The following MYO18B variants were observed in gnomAD, a reference collection of about 807,000 sequenced individuals.
MYO18B encodes unconventional myosin-XVIIIb.
MYO18B carries 204 observed loss-of-function variants against 273.0 expected under a neutral mutation model. That is an observed-to-expected ratio of 0.75 (90% CI 0.67 to 0.84). MYO18B has a LOEUF of 0.84. Ranked by LOEUF, MYO18B falls within the 40% of genes least tolerant of loss-of-function variation. The probability of loss-of-function intolerance (pLI) is 0.00; values close to 1 mark genes in which losing one functional copy is unlikely to be tolerated. For missense variants in MYO18B, 3,212 were observed against 3,287.6 expected, an observed-to-expected ratio of 0.98 and a Z score of 0.56; for synonymous variants, 1,330 against 1,305.7, an observed-to-expected ratio of 1.02 and a Z score of -0.40.
downstream of MYO18B, among the ~76,000 whole-genome samples, chr22:26,031,298 G>A (rs1472242780): frequency 6.6e-6 from 1 of 152,140 alleles, no homozygotes; most frequent in African/African-American, 2.4e-5. Context: ...ATTCCCATTT[G>A]GATCACAGTT....
Position 25,769,174 on chromosome 22 carries a change from A to G in MYO18B, c.1258A>G (p.Lys420Glu), listed in dbSNP as rs749574494. ...GACAGAGAAGGGCTGTGAAGCCCCA[A>G]AGGAGGTGAGCACAATGGTGGAGTC... The part of the protein sequence containing the change: ...SQTEKGCEAP[K>E]EVSTMVESPA... Residue 420 changes from lysine to glutamate, a missense_variant, in exon 4 of 44, where the codon AAG (lysine) becomes GAG (glutamate). Coordinates refer to ENST00000335473, the MANE Select transcript of MYO18B (RefSeq NM_032608.7). 27 of 1,612,308 alleles carry G rather than the reference A, an allele frequency of 1.7e-5. No homozygotes were observed. In the Admixed American group the frequency reaches 1.8e-4, roughly 11 times the overall value.
intron 33 of MYO18B, among the ~76,000 whole-genome samples, chr22:25,918,752 G>A (rs2146429036): frequency 6.6e-6 from 1 of 152,276 alleles, no homozygotes; most frequent in African/African-American, 2.4e-5. Context: ...AGGCACTTTA[G>A]GATATATGCA....
At chr22:25,833,432 G>T (rs2089785662) in intron 16 of MYO18B, among the ~76,000 whole-genome samples, 1 of 151,948 alleles carries the variant, frequency 6.6e-6, no homozygotes, top group Non-Finnish European at 1.5e-5. Flanking sequence ...TTGGGTTCAG[G>T]GCCCTGAACT....
At chr22:25,966,092 A>G (rs1412111864) in intron 39 of MYO18B, among the ~76,000 whole-genome samples, 1 of 152,220 alleles carries the variant, frequency 6.6e-6, no homozygotes, top group African/African-American at 2.4e-5. Context: ...CAAGTAATTC[A>G]TGCCATGCTT....
chr22:25,947,998 A>G (rs190729488), intron 36 of MYO18B, among the ~76,000 whole-genome samples, 170 bp downstream of exon 36: 60 of 152,286 alleles, frequency 3.9e-4, no homozygotes, highest in African/African-American at 1.3e-3. Context: ...ATGGAGGACA[A>G]TGTCACCTTC....
chr22:25,988,104 C>T (rs919500318), intron 39 of MYO18B, among the ~76,000 whole-genome samples: 7 of 151,908 alleles, frequency 4.6e-5, no homozygotes, highest in African/African-American at 1.5e-4. Context: ...CGTTGCCTCC[C>T]GCCCACTTCC....
intron 25 of MYO18B, 130 bp from the exon 26 acceptor site, chr22:25,890,626 G>A: frequency 7.6e-7 from 1 of 1,315,412 alleles, no homozygotes; most frequent in Non-Finnish European, 1.0e-6. Context: ...TCCTCTTAAC[G>A]AGTTGATTAT....
intron 37 of MYO18B, 68 bp downstream of exon 37, chr22:25,950,518 ATG>A (rs59002655): frequency 0.014 from 8,302 of 601,076 alleles, 59 homozygotes; most frequent in East Asian, 0.073. Context: ...AACTAATAGG[ATG>A]TGTGTGTGTG....
chr22:25,893,864 C>T (rs2091729808), intron 27 of MYO18B, among the ~76,000 whole-genome samples: 1 of 151,816 alleles, frequency 6.6e-6, no homozygotes, highest in African/African-American at 2.4e-5. Context: ...TATACCCTAC[C>T]ACTTATTTAT....
At chr22:25,978,558 A>T (rs1038068878) in intron 39 of MYO18B, among the ~76,000 whole-genome samples, 1 of 152,240 alleles carries the variant, frequency 6.6e-6, no homozygotes, top group African/African-American at 2.4e-5. Flanking sequence ...ACTTTTCAGC[A>T]GAGGAATGAC....
intron 1 of MYO18B, among the ~76,000 whole-genome samples, chr22:25,751,886 G>C (rs1316738468): frequency 6.6e-6 from 1 of 152,182 alleles, no homozygotes; most frequent in African/African-American, 2.4e-5. Flanking sequence ...GGAGTAAAGG[G>C]AAAGTGAAAA....
intron 34 of MYO18B, among the ~76,000 whole-genome samples, chr22:25,942,159 G>A (rs1300373874): frequency 6.6e-6 from 1 of 152,168 alleles, no homozygotes; most frequent in African/African-American, 2.4e-5. Flanking sequence ...ATAGCAAGAC[G>A]GTGCTGCTGG....
chr22:25,833,687 G>C (rs2089795770), intron 16 of MYO18B, among the ~76,000 whole-genome samples: 1 of 152,156 alleles, frequency 6.6e-6, no homozygotes, highest in South Asian at 2.1e-4. Context: ...ACCTCTCTGA[G>C]CCTCAGTTTC....
chr22:26,053,914 T>C, the MYO18B span, among the ~76,000 whole-genome samples: 22 of 151,994 alleles, frequency 1.4e-4, no homozygotes, highest in East Asian at 1.7e-3. Flanking sequence ...TCTAAAAAAA[T>C]CACACCAGCT....
At position 25,794,035 on chromosome 22, in the gene MYO18B, G is replaced by A. The variant is rs537064908; in HGVS notation, c.2377-3918G>A. On this transcript the variant is annotated intron_variant, in intron 11 of 43. Coordinates refer to ENST00000335473, the MANE Select transcript of MYO18B (RefSeq NM_032608.7). ...TGCAAACTCCGCCTCCTGGGTTCACGCCATTCTCCCGCCTCAGCCTCCTGA... is the reference window on the plus strand; with the variant it reads ...TGCAAACTCCGCCTCCTGGGTTCACACCATTCTCCCGCCTCAGCCTCCTGA... Among the ~76,000 whole-genome samples, 266 of 151,970 alleles carry A rather than the reference G, an allele frequency of 1.8e-3. 1 individual carries two copies. The highest frequency in any genetic ancestry group is 6.0e-3 in the African/African-American group (247 of 41,448).
intron 10 of MYO18B, 97 bp downstream of exon 10, chr22:25,781,931 G>A (rs1020580937): frequency 6.3e-6 from 5 of 790,992 alleles, no homozygotes; most frequent in Non-Finnish European, 9.0e-6. Flanking sequence ...AGCACTGAGA[G>A]GCCGTGGGAC....
At chr22:25,875,319 C>G (rs1601428365) in intron 23 of MYO18B, among the ~76,000 whole-genome samples, 1 of 152,362 alleles carries the variant, frequency 6.6e-6, no homozygotes, top group Non-Finnish European at 1.5e-5. Flanking sequence ...CTTTCCCCAT[C>G]CGTAAATACA....
chr22:25,753,492 G>C (rs1344946398), intron 1 of MYO18B, among the ~76,000 whole-genome samples: 7 of 152,186 alleles, frequency 4.6e-5, no homozygotes, highest in Non-Finnish European at 1.0e-4. Context: ...AATGAAAGCA[G>C]GCTGCCAGCA....
intron 17 of MYO18B, among the ~76,000 whole-genome samples, chr22:25,841,410 A>T (rs1275759613): frequency 2.0e-5 from 3 of 151,848 alleles, no homozygotes; most frequent in Non-Finnish European, 2.9e-5. Context: ...GAATGAGGGG[A>T]ACAAGCAGGC....
Sources: gnomAD v4.1 joint callset for allele counts (sites outside exome capture counted in the v4.1 genomes callset) on GRCh38, gnomAD v4.1.1 for gene constraint, MANE v1.5 for transcripts, NCBI Gene and HGNC (gene_info 2026-07-23, HGNC 2026-07-21) for gene names.